The following MIPOL1 variants were observed in gnomAD, a reference collection of about 807,000 sequenced individuals.
MIPOL1 encodes the protein mirror-image polydactyly 1.
In MIPOL1, 57 loss-of-function variants were observed where a neutral mutation model predicts 60.9. That is an observed-to-expected ratio of 0.94 (90% CI 0.76 to 1.17). The LOEUF (loss-of-function observed/expected upper bound fraction) is 1.17. MIPOL1 is among the 50% of genes most tolerant of loss of function. MIPOL1 has a pLI of 0.00. For missense variants in MIPOL1, 551 were observed against 511.6 expected (o/e 1.08, Z -0.74); for synonymous variants, 179 against 168.8 (o/e 1.06, Z -0.47).
chr14:37,274,720 G>A (rs879200852), intron 6 of MIPOL1, among the ~76,000 whole-genome samples: 1 of 151,310 alleles, frequency 6.6e-6, no homozygotes, highest in Non-Finnish European at 1.5e-5. Context: ...CTAAGCATTA[G>A]TTAAAAATCT....
intron 1 of MIPOL1, among the ~76,000 whole-genome samples, chr14:37,206,617 C>T (rs980566088): frequency 6.6e-6 from 1 of 152,194 alleles, no homozygotes; most frequent in Non-Finnish European, 1.5e-5. Context: ...TTGCACCATG[C>T]TCCTGGAAAA....
Position 37,197,940 on chromosome 14 carries a change from C to T in MIPOL1, c.-363C>T, listed in dbSNP as rs1416634826. Reference sequence around the variant, plus strand: ...CTGCGGCGCGCCGCCGCCCCGTAGGCCCCACGCGCCGCCCCGCTCCTCCGC... The same window carrying T: ...CTGCGGCGCGCCGCCGCCCCGTAGGTCCCACGCGCCGCCCCGCTCCTCCGC... On this transcript the variant is annotated 5_prime_UTR_variant, in exon 1 of 13. Transcript: ENST00000684589. 1 of 152,104 alleles carries T rather than the reference C, an allele frequency of 6.6e-6. No individual in the cohort carries two copies. Among genetic ancestry groups the T allele is most frequent in the Admixed American group, 6.6e-5 (1 of 15,266 alleles). 9.4% of individuals were successfully genotyped at this position (152,104 alleles called of 1,614,324 possible).
chr14:37,201,203 C>A (rs748260602), intron 1 of MIPOL1, among the ~76,000 whole-genome samples: 1 of 152,050 alleles, frequency 6.6e-6, no homozygotes, highest in Admixed American at 6.5e-5. Context: ...CCACACCTGG[C>A]CAGTATTGTA....
At position 37,398,899 on chromosome 14, in the gene MIPOL1, T is replaced by G. The variant is rs188384259; in HGVS notation, c.937-23956T>G. Reference sequence around the variant, plus strand: ...TTGGACAAGATGTCAATAGTCTTTTTTATGATTTCTTGGGTTTTATTTAAA... The same window carrying G: ...TTGGACAAGATGTCAATAGTCTTTTGTATGATTTCTTGGGTTTTATTTAAA... On this transcript the variant is annotated intron_variant, in intron 10 of 12. Coordinates refer to ENST00000684589, the MANE Select transcript of MIPOL1 (RefSeq NM_001388067.1). Among the ~76,000 whole-genome samples, 87 of 152,352 alleles carry G rather than the reference T, an allele frequency of 5.7e-4. 1 individual carries two copies. The highest frequency in any genetic ancestry group is 2.6e-3 in the Admixed American group (40 of 15,304).
Position 37,213,423 on chromosome 14 carries a change from A to G in MIPOL1, c.-199+15319A>G, listed in dbSNP as rs185028719. The stretch of plus-strand genomic sequence containing the variant: ...TTCTAGAGCTGAAAATGCAATTGAC[A>G]TACTGAAGAATGCATCTAAGTCGTT... On this transcript the variant is annotated intron_variant, in intron 1 of 12. Coordinates refer to ENST00000684589, the MANE Select transcript of MIPOL1 (RefSeq NM_001388067.1). Among the ~76,000 whole-genome samples the G allele has an allele frequency of 2.4e-3, 362 of 152,362 alleles. 2 individuals carry two copies. Among genetic ancestry groups the G allele is most frequent in the Non-Finnish European group, 7.9e-4 (54 of 68,032 alleles).
chr14:37,506,456 A>G (rs1356743749), intron 12 of MIPOL1: 2 of 152,218 alleles, frequency 1.3e-5, no homozygotes, highest in Non-Finnish European at 2.9e-5. Context: ...CACATCTACA[A>G]CCATCTGATC....
chr14:37,481,677 A>G (rs1009244679), intron 11 of MIPOL1, among the ~76,000 whole-genome samples: 3 of 151,698 alleles, frequency 2.0e-5, no homozygotes, highest in Non-Finnish European at 4.4e-5. Context: ...ACAATAGCTG[A>G]TTTCAAATAA....
chr14:37,272,640 TATG>T (rs775791679), intron 6 of MIPOL1, among the ~76,000 whole-genome samples: 21 of 151,634 alleles, frequency 1.4e-4, no homozygotes, highest in Non-Finnish European at 3.0e-4. Flanking sequence ...AGTATAGGAC[TATG>T]ATGACATCTA....
intron 7 of MIPOL1, among the ~76,000 whole-genome samples, chr14:37,286,412 C>A (rs2084569513): frequency 6.6e-6 from 1 of 152,188 alleles, no homozygotes; most frequent in African/African-American, 2.4e-5. Context: ...GTCCTTATAA[C>A]AAGCTCCCAG....
intron 11 of MIPOL1, among the ~76,000 whole-genome samples, chr14:37,424,221 A>G (rs750542601): frequency 2.0e-5 from 3 of 152,174 alleles, no homozygotes; most frequent in Non-Finnish European, 2.9e-5. Flanking sequence ...TGATGTCCTA[A>G]CCCCTGCTAT....
intron 7 of MIPOL1, among the ~76,000 whole-genome samples, chr14:37,288,235 A>G (rs964759640): frequency 3.3e-5 from 5 of 151,670 alleles, no homozygotes; most frequent in African/African-American, 1.2e-4. Context: ...TTGAACTCCT[A>G]AGCTCAAGCA....
intron 10 of MIPOL1, among the ~76,000 whole-genome samples, chr14:37,398,211 G>A (rs370421816): frequency 6.6e-6 from 1 of 152,036 alleles, no homozygotes; most frequent in African/African-American, 2.4e-5. Flanking sequence ...AGGTAATTTC[G>A]GAAACTTCTC....
chr14:37,350,880 C>T (rs1595311000), intron 9 of MIPOL1, among the ~76,000 whole-genome samples: 1 of 152,190 alleles, frequency 6.6e-6, no homozygotes, highest in African/African-American at 2.4e-5. Flanking sequence ...ATCTCCAGTT[C>T]CATCCATGTT....
chr14:37,535,053 C>T (rs112430259), intron 12 of MIPOL1, among the ~76,000 whole-genome samples: 154 of 152,126 alleles, frequency 1.0e-3, no homozygotes, highest in South Asian at 3.3e-3. Context: ...TAATTATTCT[C>T]TATGTTCTCA....
intron 1 of MIPOL1, among the ~76,000 whole-genome samples, chr14:37,214,823 G>A (rs1967318707): frequency 6.6e-6 from 1 of 152,104 alleles, no homozygotes; most frequent in Non-Finnish European, 1.5e-5. Context: ...CCGTGGTCTA[G>A]CGGTAGCATC....
chr14:37,223,287 C>G (rs1969135032), intron 1 of MIPOL1, among the ~76,000 whole-genome samples: 1 of 151,908 alleles, frequency 6.6e-6, no homozygotes, highest in South Asian at 2.1e-4. Flanking sequence ...CCCACCTCGG[C>G]CTCCCAAAGT....
chr14:37,270,334 G>A, intron 5 of MIPOL1, 86 bp from the exon 6 acceptor site: 1 of 672,384 alleles, frequency 1.5e-6, no homozygotes, highest in South Asian at 3.3e-5. Flanking sequence ...TAAGAATTAA[G>A]AAAAAACCAA....
At chr14:37,385,447 T>A (rs2093038724) in intron 10 of MIPOL1, 1 of 152,140 alleles carries the variant, frequency 6.6e-6, no homozygotes, top group Non-Finnish European at 1.5e-5. Flanking sequence ...TTTGTGGTTG[T>A]CCGTGACAGC....
chr14:37,507,237 C>T, intron 12 of MIPOL1: 1 of 152,132 alleles, frequency 6.6e-6, no homozygotes, highest in East Asian at 1.9e-4. Context: ...CCATTTGACC[C>T]AGCCATCCCA....
Sources: gnomAD v4.1 joint callset for allele counts (sites outside exome capture counted in the v4.1 genomes callset) on GRCh38, gnomAD v4.1.1 for gene constraint, MANE v1.5 for transcripts, NCBI Gene and HGNC (gene_info 2026-07-23, HGNC 2026-07-21) for gene names.